GRIK5: variants seen among roughly 807,000 people sequenced by gnomAD.
The protein encoded by GRIK5 is glutamate receptor ionotropic, kainate 5.
Under a neutral mutation model 97.4 loss-of-function variants are expected in GRIK5, and 43 were observed. The observed-to-expected ratio is 0.44, with a 90% confidence interval of 0.35 to 0.57. The LOEUF (loss-of-function observed/expected upper bound fraction) is 0.57. Ranked by LOEUF, GRIK5 falls within the 20% of genes least tolerant of loss-of-function variation. The probability of loss-of-function intolerance (pLI) is 0.01; values close to 1 mark genes in which losing one functional copy is unlikely to be tolerated. For missense variants in GRIK5, 1,015 were observed against 1,382.0 expected (o/e 0.73, Z 4.21); for synonymous variants, 580 against 583.5 (o/e 0.99, Z 0.09).
In GRIK5 at chr19:42,034,436, T is replaced by C. The variant is rs2075877002; in HGVS notation, c.1473+8116A>G. Among the ~76,000 whole-genome samples, 3 of 152,290 alleles carry C rather than the reference T, an allele frequency of 2.0e-5. No homozygotes were observed. The South Asian group carries it at 6.2e-4, about 32-fold the overall frequency. On this transcript the variant is annotated intron_variant, in intron 12 of 19. Coordinates refer to ENST00000593562, the MANE Select transcript of GRIK5 (RefSeq NM_002088.5). The stretch of plus-strand genomic sequence containing the variant: ...CTCCTTAGCAGTGACTGTGAGGCCC[T>C]GGGATGTGGGCCCTGCTCTCGGATC...
In GRIK5 at chr19:41,999,845, G is replaced by A. The variant is rs993732100; in HGVS notation, c.2515-546C>T. ...GAGTGCTTTGGAAAGAAAGAAAATC[G>A]GGAAGAGGCCTAAGGTGTATGGGTA... On this transcript the variant is annotated intron_variant, in intron 19 of 19. Coordinates refer to ENST00000593562, the MANE Select transcript of GRIK5 (RefSeq NM_002088.5). This position sits in a 1 kb window ranked among gnomAD's most constrained non-coding sequence, Gnocchi z 5.0. Among the ~76,000 whole-genome samples, 2 of 152,212 alleles carry A rather than the reference G, an allele frequency of 1.3e-5. No homozygotes were observed. The highest frequency in any genetic ancestry group is 2.9e-5 in the Non-Finnish European group (2 of 68,026).
At chr19:42,024,906 C>T (rs866637907) in intron 12 of GRIK5, among the ~76,000 whole-genome samples, 1 of 152,304 alleles carries the variant, frequency 6.6e-6, no homozygotes, top group South Asian at 2.1e-4. Flanking sequence ...CAACAACTTG[C>T]TCAATTTGGA....
rs1311951191 is a variant in GRIK5 at position 41,999,664 on chromosome 19, T to A, written c.2515-365A>T. ...TCCATGCGTTCATTATTGCAAGGCA[T>A]ATTTACCTGTGGCCTGCTGTGTGCC... On this transcript the variant is annotated intron_variant, in intron 19 of 19. Coordinates refer to ENST00000593562, the MANE Select transcript of GRIK5 (RefSeq NM_002088.5). This position sits in a 1 kb window ranked among gnomAD's most constrained non-coding sequence, Gnocchi z 5.0. Among the ~76,000 whole-genome samples the A allele has an allele frequency of 6.6e-6, 1 of 152,220 alleles. No individual in the cohort carries two copies. Among genetic ancestry groups the A allele is most frequent in the African/African-American group, 2.4e-5 (1 of 41,452 alleles).
chr19:42,019,284 C>T (rs1446026517), intron 15 of GRIK5, among the ~76,000 whole-genome samples: 1 of 152,090 alleles, frequency 6.6e-6, no homozygotes, highest in Non-Finnish European at 1.5e-5. Flanking sequence ...TAAAATGCTC[C>T]TCCCTCTCCT....
rs1453309209 is a variant in GRIK5, at chr19:42,022,455, C to T, written c.1474-101G>A. ...ACGGAGAGTGAGCAACTGAGGGAGG[C>T]GAGAGAGAGAGAGGTAGGGAGGGGG... On this transcript the variant is annotated intron_variant, in intron 12 of 19. Coordinates refer to ENST00000593562, the MANE Select transcript of GRIK5 (RefSeq NM_002088.5). The surrounding 1 kb of genome is among the most constrained non-coding windows in gnomAD (Gnocchi z 4.2). 11 of 1,391,684 alleles carry T rather than the reference C, an allele frequency of 7.9e-6. No homozygotes were observed. The highest frequency in any genetic ancestry group is 2.6e-5 in the East Asian group (1 of 38,194). The allele number at this position is 1,391,684 out of a possible 1,614,324, so 86.2% of individuals were successfully genotyped here.
intron 11 of GRIK5, among the ~76,000 whole-genome samples, chr19:42,053,101 T>C (rs1249326334): frequency 6.6e-6 from 1 of 152,124 alleles, no homozygotes; most frequent in Non-Finnish European, 1.5e-5. Flanking sequence ...AACGTCCCTG[T>C]CTGGTGCTTG....
intron 12 of GRIK5, among the ~76,000 whole-genome samples, chr19:42,041,322 G>A (rs145647028): frequency 6.9e-4 from 105 of 152,264 alleles, no homozygotes; most frequent in African/African-American, 2.4e-3. Flanking sequence ...AGCTCTGGGA[G>A]TGTCCTAATC....
At chr19:42,013,372 T>C (rs74689061) in intron 15 of GRIK5, among the ~76,000 whole-genome samples, 1 of 150,164 alleles carries the variant, frequency 6.7e-6, no homozygotes, top group Admixed American at 6.6e-5. Flanking sequence ...TAAAGATAAA[T>C]ATTTAAAAAC....
In GRIK5 at chr19:42,003,785, C is replaced by T. The variant is rs2075454433; in HGVS notation, c.2264-102G>A. 3.0e-6 allele frequency: 4 copies of T among 1,311,488 alleles called. No individual in the cohort carries two copies. Among genetic ancestry groups the T allele is most frequent in the South Asian group, 3.1e-5 (2 of 65,018 alleles). 81.2% of individuals were successfully genotyped at this position (1,311,488 alleles called of 1,614,324 possible). A position where few individuals can be genotyped will look rare whatever the true frequency, so the allele number is the denominator to read the frequency against. On this transcript the variant is annotated intron_variant, in intron 17 of 19. Transcript: ENST00000593562. The surrounding 1 kb of genome is among the most constrained non-coding windows in gnomAD (Gnocchi z 4.2). ...TCACCACGGCCTTCCCCCGCCTCTA[C>T]CACGTGCCCAGGGTCTTCCCTGCAG...
At position 42,059,337 on chromosome 19, in the gene GRIK5, T is replaced by A; in HGVS notation, c.687+12A>T. The A allele has an allele frequency of 6.3e-7, 1 of 1,598,448 alleles. No individual in the cohort carries two copies. The highest frequency in any genetic ancestry group is 8.6e-7 in the Non-Finnish European group (1 of 1,167,478). On this transcript the variant is annotated intron_variant, in intron 6 of 19. Transcript: ENST00000593562. ...CCCCAGTCCTTTGGGAAATCAGAGG[T>A]AGGGGCCTCACCTTACGGAGGATGA... is the stretch of plus-strand genomic sequence containing the variant.
intron 15 of GRIK5, among the ~76,000 whole-genome samples, chr19:42,013,871 T>TAAAACCAA (rs1292657451): frequency 2.7e-5 from 4 of 146,878 alleles, no homozygotes; most frequent in African/African-American, 1.0e-4. Context: ...CTACCAAAAA[T>TAAAACCAA]AAAAAAATTT....
chr19:42,056,827 G>C lies in GRIK5; in HGVS notation c.742-4C>G, dbSNP rs745713157. On this transcript the variant is annotated splice_region_variant and splice_polypyrimidine_tract_variant and intron_variant, in intron 7 of 19. Coordinates refer to ENST00000593562, the MANE Select transcript of GRIK5 (RefSeq NM_002088.5). ...CCAGATGCAGGATGGGGAAGTCCTG[G>C]GACCAGGAAGAGGTGGTGAGGCCTG... 4.3e-6 allele frequency: 7 copies of C among 1,614,020 alleles called. No individual in the cohort carries two copies.
At chr19:42,016,137 T>C (rs931344846) in intron 15 of GRIK5, among the ~76,000 whole-genome samples, 1 of 152,144 alleles carries the variant, frequency 6.6e-6, no homozygotes, top group Non-Finnish European at 1.5e-5. Flanking sequence ...ACAAAATTAT[T>C]TGGCCAGGCA....
At chr19:42,067,964 G>A (rs969658121) in intron 1 of GRIK5, among the ~76,000 whole-genome samples, 2 of 152,190 alleles carry the variant, frequency 1.3e-5, no homozygotes, top group African/African-American at 2.4e-5. Context: ...TGAGAGGCAA[G>A]GAGGGCCAGC....
chr19:42,022,175 C>T lies in GRIK5; in HGVS notation c.1587+66G>A. On this transcript the variant is annotated intron_variant, in intron 13 of 19. Transcript: ENST00000593562. This position sits in a 1 kb window ranked among gnomAD's most constrained non-coding sequence, Gnocchi z 4.2. ...CATCTGAGGTCCTGGGGCTGTCTGG[C>T]TCCCACTCGCAGGCCCTGAGCCTCC... 11 of 1,443,896 alleles carry T rather than the reference C, an allele frequency of 7.6e-6. No individual in the cohort carries two copies. Among genetic ancestry groups the T allele is most frequent in the Non-Finnish European group, 1.1e-5 (11 of 1,029,736 alleles). 89.4% of individuals were successfully genotyped at this position (1,443,896 alleles called of 1,614,324 possible). A position where few individuals can be genotyped will look rare whatever the true frequency, so the allele number is the denominator to read the frequency against.
At chr19:42,007,991 T>TA (rs1157069539) in intron 15 of GRIK5, among the ~76,000 whole-genome samples, 8 of 151,488 alleles carry the variant, frequency 5.3e-5, no homozygotes, top group African/African-American at 1.5e-4. Context: ...AAATACTCTG[T>TA]AAAAAAATAT....
chr19:42,006,685 T>TA lies in GRIK5; in HGVS notation c.1996dup (p.Tyr666LeufsTer96). On this transcript the variant is annotated frameshift_variant, in exon 16 of 20. Transcript: ENST00000593562. LOFTEE classifies it high-confidence loss of function. This position sits in a 1 kb window ranked among gnomAD's most constrained non-coding sequence, Gnocchi z 5.3. ...GGTGGAGCCGGCGTGGATGGTGCCA[T>TA]ACTCGATGTTGGTCTGATCTGCCAG... 1 of 1,614,048 alleles carries TA rather than the reference T, an allele frequency of 6.2e-7. No homozygotes were observed. The highest frequency in any genetic ancestry group is 8.5e-7 in the Non-Finnish European group (1 of 1,179,990).
intron 15 of GRIK5, among the ~76,000 whole-genome samples, chr19:42,014,850 T>G (rs776878851): frequency 6.6e-6 from 1 of 151,978 alleles, no homozygotes; most frequent in African/African-American, 2.4e-5. Flanking sequence ...AGCCCAGGAG[T>G]TGGAAACCTG....
At chr19:42,060,435 A>G (rs1405868008) in intron 5 of GRIK5, among the ~76,000 whole-genome samples, 3 of 152,020 alleles carry the variant, frequency 2.0e-5, no homozygotes, top group Non-Finnish European at 2.9e-5. Context: ...AGTTATGAAG[A>G]CTGGGAGTCT....
Sources: allele counts gnomAD v4.1 joint callset (sites outside exome capture counted in the v4.1 genomes callset), GRCh38; gene constraint gnomAD v4.1.1; non-coding constraint Gnocchi (gnomAD v3.1); transcripts MANE v1.5; gene names NCBI Gene and HGNC (gene_info 2026-07-23, HGNC 2026-07-21).